Variants in ZNF488 observed in about 807,000 individuals in gnomAD.
ZNF488 encodes zinc finger protein 488.
Under a neutral mutation model 1.2 loss-of-function variants are expected in ZNF488, and 1 was observed. The ratio of observed to expected loss-of-function variants is 0.86; its 90% CI spans 0.30 to 4.07. The LOEUF (loss-of-function observed/expected upper bound fraction) is 4.07, where lower values mean the gene tolerates loss of function less well. ZNF488 is among the 30% of genes most tolerant of loss of function. ZNF488 has a pLI of 0.18. For synonymous variants in ZNF488, 185 were observed against 190.1 expected, an observed-to-expected ratio of 0.97 and a Z score of 0.22; for missense variants, 450 against 437.9, an observed-to-expected ratio of 1.03 and a Z score of -0.25.
At chr10:47,369,291 G>A (rs1837373305) in intron 1 of ZNF488, among the ~76,000 whole-genome samples, 1 of 152,018 alleles carries the variant, frequency 6.6e-6, no homozygotes, top group South Asian at 2.1e-4. Flanking sequence ...GCCTGCTCTG[G>A]GGGCTGCATT....
rs200594636 is a variant in ZNF488, at chr10:47,368,845, G to A, written c.-16C>T. ...ACTCTGGCATTCATCAGTCTTTGGGGGTTTGGGGTTCTGGAGGGCTTGGCC... is the reference window on the plus strand; with the variant it reads ...ACTCTGGCATTCATCAGTCTTTGGGAGTTTGGGGTTCTGGAGGGCTTGGCC... On this transcript the variant is annotated 5_prime_UTR_variant, in exon 2 of 2. Transcript: ENST00000585316. 652 of 1,562,462 alleles carry A rather than the reference G, an allele frequency of 4.2e-4. 3 individuals are homozygous for A. The highest frequency in any genetic ancestry group is 1.4e-3 in the South Asian group (114 of 80,806).
At position 47,367,960 on chromosome 10, in the gene ZNF488, C is replaced by T. The variant is rs376227686; in HGVS notation, c.870G>A (p.Leu290=). 5 of 1,613,986 alleles carry T rather than the reference C, an allele frequency of 3.1e-6. No individual in the cohort carries two copies. Among genetic ancestry groups the T allele is most frequent in the Non-Finnish European group, 4.2e-6 (5 of 1,180,044 alleles). ...CNLSFRLTSD[L]VFHMRSHHKK... ...TGTGGTGGGATCGCATGTGAAAGAC[C>T]AGGTCGGACGTTAGGCGAAAGGACA... is the stretch of plus-strand genomic sequence containing the variant. The change falls in exon 2 of 2, where the codon CTG becomes CTA. Residue 290 remains leucine (L), a synonymous_variant. Coordinates refer to ENST00000585316, the MANE Select transcript of ZNF488 (RefSeq NM_153034.4).
At position 47,367,753 on chromosome 10, in the gene ZNF488, C is replaced by A. The variant is rs782516776; in HGVS notation, c.*54G>T. On this transcript the variant is annotated 3_prime_UTR_variant, in exon 2 of 2. Transcript: ENST00000585316. ...CCCCTCAACGCAGGCCCAGGGAGCCCCCCTCTGCCAAAGGCTGGCTGCTGC... is the reference window on the plus strand; with the variant it reads ...CCCCTCAACGCAGGCCCAGGGAGCCACCCTCTGCCAAAGGCTGGCTGCTGC... 2 of 1,551,424 alleles carry A rather than the reference C, an allele frequency of 1.3e-6. No homozygotes were observed. Among genetic ancestry groups the A allele is most frequent in the Admixed American group, 1.9e-5 (1 of 52,556 alleles).
rs908937372 is a variant in ZNF488 at position 47,380,143 on chromosome 10, G to A, written c.-109+4077C>T. 9.2e-5 allele frequency among the ~76,000 whole-genome samples: 14 copies of A among 152,350 alleles called. No homozygotes were observed. In the South Asian group the frequency reaches 1.2e-3, roughly 14 times the overall value. ...TCCTCAGTAGGTTCAGTTCACACCC[G>A]GGCTCTCACCCCCTGACACTCTTTA... On this transcript the variant is annotated intron_variant, in intron 1 of 1. Transcript: ENST00000585316.
chr10:47,371,286 C>T lies in ZNF488; in HGVS notation c.-108-2349G>A, dbSNP rs114082196. 9.0e-3 allele frequency among the ~76,000 whole-genome samples: 1,364 copies of T among 151,712 alleles called. 24 individuals are homozygous for T. The highest frequency in any genetic ancestry group is 0.03 in the African/African-American group (1,260 of 41,314). On this transcript the variant is annotated intron_variant, in intron 1 of 1. Coordinates refer to ENST00000585316, the MANE Select transcript of ZNF488 (RefSeq NM_153034.4). ...TTTTTAAGTGTGGCTATAAAGACTACGCAATAGTATGGGAAAAAAAAGCTT... is the reference window on the plus strand; with the variant it reads ...TTTTTAAGTGTGGCTATAAAGACTATGCAATAGTATGGGAAAAAAAAGCTT...
At position 47,368,613 on chromosome 10, in the gene ZNF488, C is replaced by T. The variant is rs900786652; in HGVS notation, c.217G>A (p.Glu73Lys). 1 of 1,610,434 alleles carries T rather than the reference C, an allele frequency of 6.2e-7. No homozygotes were observed. ...CCTGGGGCTACCAACAGTGCCAGCTCCGCACTGCCCACATCCCGGCCCGCC... is the reference window on the plus strand; with the variant it reads ...CCTGGGGCTACCAACAGTGCCAGCTTCGCACTGCCCACATCCCGGCCCGCC... The part of the protein sequence containing the change: ...GRAGRDVGSA[E>K]LALLVAPGKP... The change falls in exon 2 of 2, where the codon GAG becomes AAG. Residue 73 changes from glutamate (E) to lysine (K), a missense_variant. By Grantham distance (56) the Glu-to-Lys change is moderately conservative. Transcript: ENST00000585316.
intron 1 of ZNF488, among the ~76,000 whole-genome samples, chr10:47,381,010 T>C (rs1837926602): frequency 6.6e-6 from 1 of 152,294 alleles, no homozygotes; most frequent in Non-Finnish European, 1.5e-5. Flanking sequence ...TCCTGAGCTC[T>C]CAGGGACCAG....
chr10:47,377,197 C>A (rs1331638779), intron 1 of ZNF488, among the ~76,000 whole-genome samples: 4 of 152,206 alleles, frequency 2.6e-5, no homozygotes, highest in Admixed American at 6.5e-5. Flanking sequence ...AATACGCGAT[C>A]TCTACGACAA....
chr10:47,375,532 A>T (rs1297073576), intron 1 of ZNF488, among the ~76,000 whole-genome samples: 1 of 152,228 alleles, frequency 6.6e-6, no homozygotes, highest in Non-Finnish European at 1.5e-5. Flanking sequence ...AATAATGCAG[A>T]TTAAACTGAA....
At chr10:47,380,571 A>G (rs1837898159) in intron 1 of ZNF488, among the ~76,000 whole-genome samples, 1 of 151,396 alleles carries the variant, frequency 6.6e-6, no homozygotes, top group South Asian at 2.1e-4. Context: ...AGCCTCGCCC[A>G]CCCCACAGTG....
intron 1 of ZNF488, among the ~76,000 whole-genome samples, chr10:47,383,223 C>T (rs1555215762): frequency 1.3e-5 from 2 of 152,190 alleles, no homozygotes; most frequent in African/African-American, 4.8e-5. Context: ...TTTCAAATGC[C>T]ATAATTACTG....
chr10:47,373,235 G>A (rs188324352), intron 1 of ZNF488, among the ~76,000 whole-genome samples: 21 of 152,138 alleles, frequency 1.4e-4, no homozygotes, highest in African/African-American at 4.6e-4. Context: ...TTCCTTCCTC[G>A]GCAACATTCT....
Position 47,367,857 on chromosome 10 carries a change from G to A in ZNF488, c.973C>T (p.His325Tyr). The stretch of plus-strand genomic sequence containing the variant: ...GAGAGGTGGTGGCGCTCCCGGAAGT[G>A]CTCCTGGCACACAGGGCAGGCAAGG... ...EALACPVCQE[H>Y]FRERHHLSRH... Residue 325 changes from histidine (H) to tyrosine (Y), a missense_variant, in exon 2 of 2, where the codon CAC becomes TAC. His to Tyr is a moderately conservative substitution (Grantham distance 83). Transcript: ENST00000585316. 22 of 1,613,724 alleles carry A rather than the reference G, an allele frequency of 1.4e-5. No individual in the cohort carries two copies. The highest frequency in any genetic ancestry group is 1.9e-5 in the Non-Finnish European group (22 of 1,179,986).
At position 47,366,719 on chromosome 10, in the gene ZNF488, A is replaced by T. The variant is rs1555212853; in HGVS notation, c.*1088T>A. 1 of 167,144 alleles carries T rather than the reference A, an allele frequency of 6.0e-6. No homozygotes were observed. The highest frequency in any genetic ancestry group is 1.5e-5 in the Non-Finnish European group (1 of 68,140). The allele number at this position is 167,144 out of a possible 1,614,324, so 10.4% of individuals were successfully genotyped here. The stretch of plus-strand genomic sequence containing the variant: ...AGCTACTGACCGAAACGCAGTAGAT[A>T]ATAAATGGTACCTAGAATGCTCCCC... On this transcript the variant is annotated 3_prime_UTR_variant, in exon 2 of 2. Coordinates refer to ENST00000585316, the MANE Select transcript of ZNF488 (RefSeq NM_153034.4).
intron 1 of ZNF488, among the ~76,000 whole-genome samples, chr10:47,381,164 A>G (rs1837933622): frequency 1.3e-5 from 2 of 152,284 alleles, no homozygotes; most frequent in South Asian, 4.1e-4. Flanking sequence ...ACCCAAGCCA[A>G]CTGGCCAGCC....
At chr10:47,371,336 T>C (rs1204972280) in intron 1 of ZNF488, among the ~76,000 whole-genome samples, 1 of 152,020 alleles carries the variant, frequency 6.6e-6, no homozygotes, top group Non-Finnish European at 1.5e-5. Context: ...GTGTCAGATA[T>C]AAACATGTTG....
intron 1 of ZNF488, among the ~76,000 whole-genome samples, chr10:47,378,588 C>T (rs1426968038): frequency 1.3e-5 from 2 of 152,208 alleles, no homozygotes; most frequent in Admixed American, 6.5e-5. Context: ...TCCCTGCTTC[C>T]CGCCCAGCCA....
Position 47,368,593 on chromosome 10 carries a change from G to C in ZNF488, c.237C>G (p.Ala79=). The part of the protein sequence containing the change: ...VGSAELALLV[A]PGKPRPGKPL... ...GCTTGCCAGGTCGGGGCTTGCCTGGGGCTACCAACAGTGCCAGCTCCGCAC... is the reference window on the plus strand; with the variant it reads ...GCTTGCCAGGTCGGGGCTTGCCTGGCGCTACCAACAGTGCCAGCTCCGCAC... The change falls in exon 2 of 2, where the codon GCC becomes GCG. Residue 79 remains alanine, a synonymous_variant. Coordinates refer to ENST00000585316, the MANE Select transcript of ZNF488 (RefSeq NM_153034.4). 1 of 1,610,874 alleles carries C rather than the reference G, an allele frequency of 6.2e-7. No homozygotes were observed. The highest frequency in any genetic ancestry group is 8.5e-7 in the Non-Finnish European group (1 of 1,179,852).
At chr10:47,383,882 A>AG (rs1491289037) in intron 1 of ZNF488, among the ~76,000 whole-genome samples, 2 of 150,860 alleles carry the variant, frequency 1.3e-5, no homozygotes, top group African/African-American at 5.0e-5. Flanking sequence ...CTGAAAAAAC[A>AG]GGGGGGAGAG....
Sources: allele counts gnomAD v4.1 joint callset (sites outside exome capture counted in the v4.1 genomes callset), GRCh38; gene constraint gnomAD v4.1.1; transcripts MANE v1.5; gene names NCBI Gene and HGNC (gene_info 2026-07-23, HGNC 2026-07-21).